Variants in THADA observed in about 807,000 individuals in gnomAD.
THADA encodes tRNA (32-2'-O)-methyltransferase regulator THADA.
THADA carries 213 observed loss-of-function variants against 219.8 expected under a neutral mutation model. That is an observed-to-expected ratio of 0.97 (90% CI 0.87 to 1.09). The LOEUF (loss-of-function observed/expected upper bound fraction) is 1.09, where lower values mean the gene tolerates loss of function less well. Ranked by LOEUF, THADA falls within the 50% of genes least tolerant of loss-of-function variation. The pLI is 0.00. For synonymous variants in THADA, 1,018 were observed against 828.9 expected, an observed-to-expected ratio of 1.23 and a Z score of -3.92; for missense variants, 2,956 against 2,311.3, an observed-to-expected ratio of 1.28 and a Z score of -5.72.
At chr2:43,505,321 C>CA (rs199819502) in intron 24 of THADA, among the ~76,000 whole-genome samples, 14 of 142,600 alleles carry the variant, frequency 9.8e-5, no homozygotes, top group South Asian at 4.4e-4. Flanking sequence ...ATGGTAAAGA[C>CA]AAAAAAAAAA....
At position 43,449,700 on chromosome 2, in the gene THADA, T is replaced by G. The variant is rs550187798; in HGVS notation, c.3837-19398A>C. Among the ~76,000 whole-genome samples, 57 of 152,122 alleles carry G rather than the reference T, an allele frequency of 3.7e-4. 1 individual carries two copies. The highest frequency in any genetic ancestry group is 1.3e-3 in the African/African-American group (56 of 41,500). ...GGGAGAATCACTTGAACCCAGGAGG[T>G]CAAAGCTGCAGTGGGCTGTGATTGC... On this transcript the variant is annotated intron_variant, in intron 26 of 37. Transcript: ENST00000405975.
chr2:43,465,201 G>C (rs1436774606), intron 26 of THADA, among the ~76,000 whole-genome samples: 1 of 152,172 alleles, frequency 6.6e-6, no homozygotes, highest in African/African-American at 2.4e-5. Flanking sequence ...ATGGAGGTTA[G>C]CTAATCCTAC....
intron 31 of THADA, among the ~76,000 whole-genome samples, chr2:43,312,714 C>A (rs1677646984): frequency 6.8e-6 from 1 of 147,526 alleles, no homozygotes; most frequent in African/African-American, 2.5e-5. Context: ...GACAACAAAG[C>A]CTGTTTTTTT....
At chr2:43,474,856 G>A (rs1159408625) in intron 26 of THADA, among the ~76,000 whole-genome samples, 2 of 152,132 alleles carry the variant, frequency 1.3e-5, no homozygotes, top group African/African-American at 2.4e-5. Flanking sequence ...TTAGTAACCT[G>A]TTTCTTTCTC....
chr2:43,286,007 C>T lies in THADA; in HGVS notation c.5164+901G>A, dbSNP rs538781068. On this transcript the variant is annotated intron_variant, in intron 35 of 37. Coordinates refer to ENST00000405975, the MANE Select transcript of THADA (RefSeq NM_022065.5). ...TATATCAACCTCAATACCACCAAGT[C>T]CTGTTGATTCTACTTCCTAAATCTT... Among the ~76,000 whole-genome samples, 31 of 152,308 alleles carry T rather than the reference C, an allele frequency of 2.0e-4. No homozygotes were observed. The South Asian group carries it at 6.4e-3, about 32-fold the overall frequency.
At chr2:43,257,413 GA>G (rs1670450758) in intron 36 of THADA, among the ~76,000 whole-genome samples, 2 of 152,246 alleles carry the variant, frequency 1.3e-5, no homozygotes, top group African/African-American at 4.8e-5. Context: ...AAAGAGGAGA[GA>G]GGAGGCTTCT....
intron 18 of THADA, 24 bp downstream of exon 18, chr2:43,552,180 G>A (rs199982721): frequency 1.8e-5 from 29 of 1,596,306 alleles, no homozygotes; most frequent in South Asian, 3.4e-5. Context: ...TTCTGAGACA[G>A]GAGGCAGCTG....
chr2:43,542,966 A>G (rs1409551259), intron 20 of THADA, among the ~76,000 whole-genome samples: 1 of 151,104 alleles, frequency 6.6e-6, no homozygotes, highest in Non-Finnish European at 1.5e-5. Flanking sequence ...TGCTGCACCC[A>G]TTAACTACTC....
intron 26 of THADA, among the ~76,000 whole-genome samples, chr2:43,456,643 T>C (rs1023904155): frequency 1.3e-5 from 2 of 152,132 alleles, no homozygotes; most frequent in African/African-American, 4.8e-5. Context: ...CTTAGTGGAA[T>C]TACTTGAGAA....
At chr2:43,508,603 A>G in intron 23 of THADA, 45 bp downstream of exon 23, 1 of 1,594,238 alleles carries the variant, frequency 6.3e-7, no homozygotes, top group Non-Finnish European at 8.5e-7. Context: ...CACTATCATC[A>G]AAAGACAAAT....
At chr2:43,503,842 T>C (rs1689323749) in intron 24 of THADA, among the ~76,000 whole-genome samples, 1 of 152,140 alleles carries the variant, frequency 6.6e-6, no homozygotes, top group South Asian at 2.1e-4. Flanking sequence ...AGTAGGGCAA[T>C]AATTATCCAG....
chr2:43,472,585 T>C (rs1051796393), intron 26 of THADA, among the ~76,000 whole-genome samples: 2 of 152,346 alleles, frequency 1.3e-5, no homozygotes, highest in Middle Eastern at 3.4e-3. Flanking sequence ...CGGGCACTTG[T>C]CACTCTTAAA....
intron 21 of THADA, among the ~76,000 whole-genome samples, chr2:43,537,998 G>C (rs1694822703): frequency 6.6e-6 from 1 of 151,470 alleles, no homozygotes; most frequent in Non-Finnish European, 1.5e-5. Context: ...ATTTCTAATA[G>C]TTGGCAATCT....
intron 36 of THADA, among the ~76,000 whole-genome samples, chr2:43,273,546 G>T (rs551487632): frequency 2.0e-5 from 3 of 152,180 alleles, no homozygotes; most frequent in Non-Finnish European, 2.9e-5. Flanking sequence ...CAGGAGGAAG[G>T]GGGAGGCAGT....
At chr2:43,589,767 C>T (rs1701363753) in intron 4 of THADA, among the ~76,000 whole-genome samples, 1 of 151,906 alleles carries the variant, frequency 6.6e-6, no homozygotes. Context: ...GCACCAAAAT[C>T]TCAGAAACCA....
chr2:43,289,179 T>C (rs1674398170), intron 34 of THADA, among the ~76,000 whole-genome samples: 1 of 152,260 alleles, frequency 6.6e-6, no homozygotes, highest in Admixed American at 6.5e-5. Flanking sequence ...AATATTCCAT[T>C]GTATGGATAC....
chr2:43,520,277 C>T (rs913791681), intron 22 of THADA, among the ~76,000 whole-genome samples: 4 of 152,054 alleles, frequency 2.6e-5, no homozygotes, highest in African/African-American at 4.8e-5. Flanking sequence ...GCTATCTTGT[C>T]GAATTAATAC....
At chr2:43,479,133 T>C (rs780817982) in intron 26 of THADA, among the ~76,000 whole-genome samples, 1 of 152,242 alleles carries the variant, frequency 6.6e-6, no homozygotes, top group Non-Finnish European at 1.5e-5. Context: ...TTAATATTTA[T>C]AATCTTATGA....
intron 35 of THADA, among the ~76,000 whole-genome samples, chr2:43,280,973 G>C (rs1673283251): frequency 6.6e-6 from 1 of 152,228 alleles, no homozygotes; most frequent in Admixed American, 6.5e-5. Context: ...TGAGAGGTGA[G>C]CATGGCCTCC....
Sources: allele counts gnomAD v4.1 joint callset (sites outside exome capture counted in the v4.1 genomes callset), GRCh38; gene constraint gnomAD v4.1.1; transcripts MANE v1.5; gene names NCBI Gene and HGNC (gene_info 2026-07-23, HGNC 2026-07-21).